Variants in KYNU observed in about 807,000 individuals in gnomAD.
KYNU encodes L-kynurenine hydrolase.
KYNU carries 54 observed loss-of-function variants against 59.2 expected under a neutral mutation model. The ratio of observed to expected loss-of-function variants is 0.91; its 90% CI spans 0.73 to 1.14. The LOEUF (loss-of-function observed/expected upper bound fraction) is 1.14. Among genes scored for constraint, KYNU ranks in the 50% most tolerant of loss-of-function variants. The pLI is 0.00. For missense variants in KYNU, 567 were observed against 554.4 expected (o/e 1.02, Z -0.23); for synonymous variants, 177 against 192.0 (o/e 0.92, Z 0.65).
chr2:142,889,878 A>T (rs1681652132), intron 2 of KYNU, among the ~76,000 whole-genome samples: 1 of 148,602 alleles, frequency 6.7e-6, no homozygotes, highest in African/African-American at 2.5e-5. Flanking sequence ...CCAATATGAG[A>T]TTTTTTTTTT....
chr2:142,934,052 T>A (rs889887460), intron 4 of KYNU, among the ~76,000 whole-genome samples: 1 of 152,250 alleles, frequency 6.6e-6, no homozygotes, highest in Non-Finnish European at 1.5e-5. Flanking sequence ...GCTTGGTTAA[T>A]GAGCCTGAGG....
chr2:143,041,931 T>A (rs1397451071), intron 13 of KYNU, 116 bp from the exon 14 acceptor site: 1 of 1,025,406 alleles, frequency 9.8e-7, no homozygotes, highest in Non-Finnish European at 1.5e-6. Flanking sequence ...ATTTTGCATA[T>A]ATATTAATTT....
intron 4 of KYNU, chr2:142,954,133 C>T (rs1462259217): frequency 6.6e-6 from 1 of 152,114 alleles, no homozygotes; most frequent in Non-Finnish European, 1.5e-5. Context: ...GTCTCTGGAT[C>T]TGTTTCTAGT....
chr2:142,943,288 G>A (rs938242483), intron 4 of KYNU, among the ~76,000 whole-genome samples: 4 of 152,094 alleles, frequency 2.6e-5, no homozygotes, highest in African/African-American at 4.8e-5. Context: ...ATTTTGGGTC[G>A]TGATTGAGTC....
chr2:142,985,978 G>T lies in KYNU; in HGVS notation c.859G>T (p.Gly287Cys). The T allele has an allele frequency of 6.2e-7, 1 of 1,610,158 alleles. No homozygotes were observed. The highest frequency in any genetic ancestry group is 1.1e-5 in the South Asian group (1 of 90,946). Reference sequence around the variant, plus strand: ...AAATGCAGGAGCAGGAGGAATTGCTGGTGCCTTCATTCATGAAAAGCATGC... The same window carrying T: ...AAATGCAGGAGCAGGAGGAATTGCTTGTGCCTTCATTCATGAAAAGCATGC... ...YLNAGAGGIA[G>C]AFIHEKHAHT... is the part of the protein sequence containing the mutation. The change falls in exon 10 of 14, where the codon GGT becomes TGT. Residue 287 changes from glycine to cysteine, a missense_variant. Gly to Cys is a radical substitution (Grantham distance 159, BLOSUM62 -3). Coordinates refer to ENST00000264170, the MANE Select transcript of KYNU (RefSeq NM_003937.3).
rs139302282 is a variant in KYNU at position 142,996,592 on chromosome 2, T to C, written c.902+10571T>C. On this transcript the variant is annotated intron_variant, in intron 10 of 13. Coordinates refer to ENST00000264170, the MANE Select transcript of KYNU (RefSeq NM_003937.3). ...TTACAAAGATGAAATGTAAGCTAAC[T>C]GGAGAAATCCCCTAACTTTCAGTCA... is the stretch of plus-strand genomic sequence containing the variant. 3.3e-5 allele frequency among the ~76,000 whole-genome samples: 5 copies of C among 152,166 alleles called. No individual in the cohort carries two copies. In the East Asian group the frequency reaches 7.7e-4, roughly 24 times the overall value.
At chr2:142,949,727 C>T (rs1683923445) in intron 4 of KYNU, among the ~76,000 whole-genome samples, 1 of 152,228 alleles carries the variant, frequency 6.6e-6, no homozygotes, top group African/African-American at 2.4e-5. Context: ...ATGAAGACCT[C>T]TGACATGCCC....
intron 4 of KYNU, among the ~76,000 whole-genome samples, chr2:142,953,057 C>T (rs1440501916): frequency 2.6e-5 from 4 of 151,966 alleles, no homozygotes; most frequent in African/African-American, 9.7e-5. Context: ...GTTCTGTGGT[C>T]GACAGGTTTA....
At chr2:142,916,267 T>C (rs150867256) in intron 2 of KYNU, among the ~76,000 whole-genome samples, 2 of 152,304 alleles carry the variant, frequency 1.3e-5, no homozygotes, top group African/African-American at 2.4e-5. Context: ...TGATGAACTC[T>C]TTTAACATGC....
intron 2 of KYNU, among the ~76,000 whole-genome samples, chr2:142,907,976 ATT>A (rs1285212090): frequency 1.3e-5 from 2 of 152,208 alleles, no homozygotes; most frequent in East Asian, 3.8e-4. Flanking sequence ...ATCAAAACAT[ATT>A]GTTACTTCTA....
chr2:143,043,162 A>T lies in KYNU; in HGVS notation c.*990A>T, dbSNP rs961997304. 1.3e-5 allele frequency: 2 copies of T among 151,944 alleles called. No individual in the cohort carries two copies. Among genetic ancestry groups the T allele is most frequent in the African/African-American group, 4.8e-5 (2 of 41,390 alleles). The allele number at this position is 151,944 out of a possible 1,614,324, so 9.4% of individuals were successfully genotyped here. On this transcript the variant is annotated 3_prime_UTR_variant, in exon 14 of 14. Coordinates refer to ENST00000264170, the MANE Select transcript of KYNU (RefSeq NM_003937.3). ...AACTTCCCCTAATATAAGAGCTTAG[A>T]TATTATATTACTATGTTTCCATAGT...
chr2:142,986,336 A>G (rs1685198169), intron 10 of KYNU, among the ~76,000 whole-genome samples: 3 of 151,978 alleles, frequency 2.0e-5, no homozygotes, highest in Admixed American at 2.0e-4. Flanking sequence ...TAGACTTTAG[A>G]AAATTTCAGA....
chr2:142,896,973 G>A (rs1253424202), intron 2 of KYNU, among the ~76,000 whole-genome samples: 1 of 152,146 alleles, frequency 6.6e-6, no homozygotes, highest in Non-Finnish European at 1.5e-5. Context: ...TAGTTACCAT[G>A]TCTAAAACCT....
rs116104452 is a variant in KYNU, at chr2:142,960,779, G to A, written c.729+9G>A. On this transcript the variant is annotated intron_variant, in intron 8 of 13. Coordinates refer to ENST00000264170, the MANE Select transcript of KYNU (RefSeq NM_003937.3). ...AAGCTGGACAAGCGAAGGTATGCACGCCATTTACTTCTTCCCACCTTACTC... is the reference window on the plus strand; with the variant it reads ...AAGCTGGACAAGCGAAGGTATGCACACCATTTACTTCTTCCCACCTTACTC... The A allele has an allele frequency of 1.4e-3, 2,255 of 1,613,236 alleles. 21 individuals carry two copies. The African/African-American group carries it at 0.027, about 19-fold the overall frequency.
rs1174509462 is a variant in KYNU at position 143,043,181 on chromosome 2, C to T, written c.*1009C>T. On this transcript the variant is annotated 3_prime_UTR_variant, in exon 14 of 14. Transcript: ENST00000264170. ...GCTTAGATATTATATTACTATGTTT[C>T]CATAGTAAATAAATAACCCCAAGAT... 1.3e-5 allele frequency: 2 copies of T among 151,802 alleles called. No individual in the cohort carries two copies. The highest frequency in any genetic ancestry group is 1.3e-4 in the Admixed American group (2 of 15,176). 9.4% of individuals were successfully genotyped at this position (151,802 alleles called of 1,614,324 possible).
intron 8 of KYNU, among the ~76,000 whole-genome samples, chr2:142,977,372 G>GAGATATATATATAT (rs1553484697): frequency 7.6e-6 from 1 of 131,146 alleles, no homozygotes; most frequent in South Asian, 2.6e-4. Context: ...ATTTTGTGTG[G>GAGATATATATATAT]ATATATATAT....
At chr2:143,021,806 G>A (rs1686416807) in intron 10 of KYNU, among the ~76,000 whole-genome samples, 1 of 151,800 alleles carries the variant, frequency 6.6e-6, no homozygotes, top group Non-Finnish European at 1.5e-5. Context: ...ATTTGGGCAG[G>A]GACACAATCC....
chr2:142,998,218 T>A (rs1007776802), intron 10 of KYNU, among the ~76,000 whole-genome samples: 1 of 152,216 alleles, frequency 6.6e-6, no homozygotes, highest in African/African-American at 2.4e-5. Flanking sequence ...GGAGATTGTA[T>A]CTTAATTGTT....
At chr2:142,919,396 GGCTAAATTATCAACAC>G (rs1199099947) in intron 3 of KYNU, among the ~76,000 whole-genome samples, 12 of 152,082 alleles carry the variant, frequency 7.9e-5, no homozygotes, top group African/African-American at 2.9e-4. Context: ...TTCATGATTA[GGCTAAATTATCAACAC>G]TTACTTTTAT....
Sources: allele counts gnomAD v4.1 joint callset (sites outside exome capture counted in the v4.1 genomes callset), GRCh38; gene constraint gnomAD v4.1.1; transcripts MANE v1.5; gene names NCBI Gene and HGNC (gene_info 2026-07-23, HGNC 2026-07-21).